The following NUMB variants were observed in gnomAD, a reference collection of about 807,000 sequenced individuals.
NUMB encodes the protein protein numb homolog.
A neutral mutation model predicts 59.7 loss-of-function variants in NUMB; 29 were observed. That is an observed-to-expected ratio of 0.49 (90% CI 0.36 to 0.66). NUMB has a LOEUF of 0.66. Ranked by LOEUF, NUMB falls within the 30% of genes least tolerant of loss-of-function variation. NUMB has a pLI of 0.00. For synonymous variants in NUMB, 288 were observed against 288.2 expected, an observed-to-expected ratio of 1.00 and a Z score of 0.01; for missense variants, 723 against 822.0, an observed-to-expected ratio of 0.88 and a Z score of 1.47.
At chr14:73,440,256 T>C (rs1043559670) in intron 1 of NUMB, among the ~76,000 whole-genome samples, 1 of 145,884 alleles carries the variant, frequency 6.9e-6, no homozygotes, top group African/African-American at 2.5e-5. Context: ...TACATCCATA[T>C]ATCTATAGAT....
chr14:73,412,564 T>C (rs1346824338), intron 1 of NUMB, among the ~76,000 whole-genome samples: 6 of 149,656 alleles, frequency 4.0e-5, no homozygotes, highest in Non-Finnish European at 5.9e-5. Context: ...GAGGTGGAGG[T>C]TGCAGTAAGC....
chr14:73,276,515 C>T lies in NUMB; in HGVS notation c.*63G>A. 1 of 1,352,802 alleles carries T rather than the reference C, an allele frequency of 7.4e-7. No individual in the cohort carries two copies. The allele number at this position is 1,352,802 out of a possible 1,614,324, so 83.8% of individuals were successfully genotyped here. The stretch of plus-strand genomic sequence containing the variant: ...ATCAGGAGACAAAGTCTGTTTTGCT[C>T]CTTTGACCGCTACCCCCTGCTCCCT... On this transcript the variant is annotated 3_prime_UTR_variant, in exon 13 of 13. Transcript: ENST00000555238.
chr14:73,385,496 C>CTTTTTTTTTTTTTT (rs35526624), intron 2 of NUMB, among the ~76,000 whole-genome samples: 1 of 65,348 alleles, frequency 1.5e-5, no homozygotes, highest in Non-Finnish European at 2.9e-5. Context: ...GGCTAGTGGC[C>CTTTTTTTTTTTTTT]TTTTTTTTTT....
At position 73,386,864 on chromosome 14, in the gene NUMB, C is replaced by CTTTTTTTTTTTTTTTTTTTTT. The variant is rs1566773800; in HGVS notation, c.-100-19884_-100-19883insAAAAAAAAAAAAAAAAAAAAA. Among the ~76,000 whole-genome samples the CTTTTTTTTTTTTTTTTTTTTT allele has an allele frequency of 2.7e-5, 2 of 73,808 alleles. 1 individual carries two copies. Among genetic ancestry groups the CTTTTTTTTTTTTTTTTTTTTT allele is most frequent in the African/African-American group, 1.1e-4 (2 of 18,170 alleles). 48.4% of individuals were successfully genotyped at this position (73,808 alleles called of 152,430 possible). ...TAATACAAGACAATCTATCAGGTGT[C>CTTTTTTTTTTTTTTTTTTTTT]TTATTTTTTTTTTTTTTTTTTTTTT... On this transcript the variant is annotated intron_variant, in intron 2 of 12. Transcript: ENST00000555238.
At chr14:73,449,057 A>T (rs1293034103) in intron 1 of NUMB, among the ~76,000 whole-genome samples, 2 of 152,194 alleles carry the variant, frequency 1.3e-5, no homozygotes, top group African/African-American at 4.8e-5. Flanking sequence ...ATTATACCCT[A>T]AACAATACAG....
At chr14:73,449,070 T>TAAC (rs1020579477) in intron 1 of NUMB, among the ~76,000 whole-genome samples, 24 of 152,282 alleles carry the variant, frequency 1.6e-4, no homozygotes, top group African/African-American at 5.8e-4. Context: ...CAATACAGTA[T>TAAC]AACTATGTAC....
At chr14:73,346,063 G>C (rs557580119) in intron 4 of NUMB, among the ~76,000 whole-genome samples, 2 of 152,098 alleles carry the variant, frequency 1.3e-5, no homozygotes, top group Non-Finnish European at 2.9e-5. Context: ...GGCATGTTGT[G>C]ATTTAATACT....
chr14:73,437,729 C>T (rs967008086), intron 1 of NUMB, among the ~76,000 whole-genome samples: 1 of 152,122 alleles, frequency 6.6e-6, no homozygotes, highest in African/African-American at 2.4e-5. Flanking sequence ...CATTTAAAAG[C>T]AGAAAGTAGC....
At chr14:73,437,059 TTTTG>T (rs1401298764) in intron 1 of NUMB, among the ~76,000 whole-genome samples, 19 of 130,436 alleles carry the variant, frequency 1.5e-4, no homozygotes, top group African/African-American at 5.5e-4. Context: ...TTTTTTTTTT[TTTTG>T]TTGAGACAGG....
intron 1 of NUMB, among the ~76,000 whole-genome samples, chr14:73,416,135 G>A (rs1265178027): frequency 6.6e-6 from 1 of 152,066 alleles, no homozygotes; most frequent in Non-Finnish European, 1.5e-5. Flanking sequence ...GAAGATAAAT[G>A]AACACCCAGA....
chr14:73,389,311 GTC>G (rs139808641), intron 2 of NUMB, among the ~76,000 whole-genome samples: 25,506 of 139,086 alleles, frequency 0.18, 2,951 homozygotes, highest in Non-Finnish European at 0.25. Context: ...AAAAACACTG[GTC>G]TCTGTTTTAT....
intron 4 of NUMB, among the ~76,000 whole-genome samples, chr14:73,352,263 T>A (rs1893335373): frequency 6.6e-6 from 1 of 151,110 alleles, no homozygotes; most frequent in South Asian, 2.1e-4. Context: ...ATTCACCTTT[T>A]CATGTAATTC....
chr14:73,384,367 G>C (rs1244449548), intron 2 of NUMB, among the ~76,000 whole-genome samples: 1 of 151,966 alleles, frequency 6.6e-6, no homozygotes, highest in Non-Finnish European at 1.5e-5. Context: ...GGGATTACAG[G>C]CTTGAGCCAC....
At chr14:73,318,514 G>C (rs921319255) in intron 5 of NUMB, among the ~76,000 whole-genome samples, 11 of 152,272 alleles carry the variant, frequency 7.2e-5, no homozygotes, top group Non-Finnish European at 1.3e-4. Context: ...AGAAACAATG[G>C]GAAGAAATGA....
intron 4 of NUMB, among the ~76,000 whole-genome samples, chr14:73,326,385 G>A (rs1409366670): frequency 6.6e-6 from 1 of 152,146 alleles, no homozygotes. Flanking sequence ...CCAGCACTTT[G>A]GGAGGCCGAG....
chr14:73,389,076 G>T (rs1895694879), intron 2 of NUMB, among the ~76,000 whole-genome samples: 1 of 147,114 alleles, frequency 6.8e-6, no homozygotes, highest in South Asian at 2.2e-4. Flanking sequence ...TCCAGCCTAG[G>T]CGACAGAGCA....
In NUMB at chr14:73,278,745, T is replaced by TTC. The variant is rs201063200; in HGVS notation, c.1240+535_1240+536insGA. Reference sequence around the variant, plus strand: ...TCTTTTTTTTTTTTTTTTTTTTTTTTGAGACAGAGTATTGCTCTGTTGCCC... The same window carrying TTC: ...TCTTTTTTTTTTTTTTTTTTTTTTTTTCGAGACAGAGTATTGCTCTGTTGCCC... On this transcript the variant is annotated intron_variant, in intron 12 of 12. Transcript: ENST00000555238. 4.9e-3 allele frequency among the ~76,000 whole-genome samples: 525 copies of TTC among 107,388 alleles called. 21 individuals are homozygous for TTC. The highest frequency in any genetic ancestry group is 0.018 in the South Asian group (49 of 2,688). 70.5% of individuals were successfully genotyped at this position (107,388 alleles called of 152,430 possible).
chr14:73,439,723 T>C (rs1232810819), intron 1 of NUMB, among the ~76,000 whole-genome samples: 1 of 152,126 alleles, frequency 6.6e-6, no homozygotes, highest in African/African-American at 2.4e-5. Context: ...AAGAGTCTTC[T>C]TAAGATAAAA....
At chr14:73,452,081 C>T (rs758779885) in intron 1 of NUMB, among the ~76,000 whole-genome samples, 8 of 151,820 alleles carry the variant, frequency 5.3e-5, no homozygotes, top group Non-Finnish European at 1.0e-4. Context: ...AAAAACTGGC[C>T]AGGCGTGGTG....
Sources: allele counts gnomAD v4.1 joint callset (sites outside exome capture counted in the v4.1 genomes callset), GRCh38; gene constraint gnomAD v4.1.1; transcripts MANE v1.5; gene names NCBI Gene and HGNC (gene_info 2026-07-23, HGNC 2026-07-21).